Variants in SNX14 observed in about 807,000 individuals in gnomAD.
The protein encoded by SNX14 is sorting nexin-14.
Under a neutral mutation model 133.8 loss-of-function variants are expected in SNX14, and 93 were observed. The observed-to-expected ratio is 0.70, with a 90% CI of 0.59 to 0.83. The LOEUF is 0.83. SNX14 is among the 40% of genes least tolerant of loss of function. SNX14 has a pLI of 0.00. For missense variants in SNX14, 945 were observed against 1,094.9 expected, an observed-to-expected ratio of 0.86 and a Z score of 1.93; for synonymous variants, 368 against 365.6, an observed-to-expected ratio of 1.01 and a Z score of -0.07.
At chr6:85,534,979 A>C (rs1415169557) in intron 17 of SNX14, among the ~76,000 whole-genome samples, 1 of 151,664 alleles carries the variant, frequency 6.6e-6, no homozygotes, top group East Asian at 1.9e-4. Flanking sequence ...AGAAAACATA[A>C]ACATTATTTT....
intron 27 of SNX14, among the ~76,000 whole-genome samples, chr6:85,507,563 A>G (rs1212777402): frequency 6.6e-6 from 1 of 152,182 alleles, no homozygotes; most frequent in Non-Finnish European, 1.5e-5. Flanking sequence ...TTTTAGAAAA[A>G]CAAGAACACA....
At chr6:85,522,553 T>A (rs1438579774) in intron 21 of SNX14, among the ~76,000 whole-genome samples, 1 of 152,214 alleles carries the variant, frequency 6.6e-6, no homozygotes, top group Non-Finnish European at 1.5e-5. Flanking sequence ...TATCTCTCAA[T>A]AAAAGTTTAC....
chr6:85,528,364 T>C lies in SNX14; in HGVS notation c.1895-2A>G, dbSNP rs1400548976. Reference sequence around the variant, plus strand: ...GAAGCTGGGCATCAGGAAATGCACCTGAAATTAGTATATATTATAGTTATT... The same window carrying C: ...GAAGCTGGGCATCAGGAAATGCACCCGAAATTAGTATATATTATAGTTATT... On this transcript the variant is annotated splice_acceptor_variant, in intron 19 of 28. Transcript: ENST00000314673. LOFTEE classifies it high-confidence loss of function. 1.2e-6 allele frequency: 2 copies of C among 1,604,812 alleles called. No individual in the cohort carries two copies. Among genetic ancestry groups the C allele is most frequent in the African/African-American group, 1.3e-5 (1 of 74,590 alleles).
In SNX14 at chr6:85,542,055, CAAATAAT is replaced by C. The variant is rs1554232748; in HGVS notation, c.1390-19_1390-13del. The C allele has an allele frequency of 2.6e-6, 4 of 1,510,866 alleles. No homozygotes were observed. Among genetic ancestry groups the C allele is most frequent in the Non-Finnish European group, 3.6e-6 (4 of 1,113,164 alleles). 93.6% of individuals were successfully genotyped at this position (1,510,866 alleles called of 1,614,324 possible). A position where few individuals can be genotyped will look rare whatever the true frequency, so the allele number is the denominator to read the frequency against. ...AGTTGTCTGAAATACTTTAAAATAA[CAAATAAT>C]AATTATCATTTATTACACTTACAAT... On this transcript the variant is annotated splice_polypyrimidine_tract_variant and intron_variant, in intron 14 of 28. Coordinates refer to ENST00000314673, the MANE Select transcript of SNX14 (RefSeq NM_153816.6).
At chr6:85,547,462 A>G in intron 10 of SNX14, 44 bp downstream of exon 10, 1 of 1,604,238 alleles carries the variant, frequency 6.2e-7, no homozygotes, top group Middle Eastern at 1.7e-4. Context: ...CAAAATCAAA[A>G]TTCAATGCAA....
chr6:85,588,966 G>T (rs1471396614), intron 1 of SNX14: 1 of 452,284 alleles, frequency 2.2e-6, no homozygotes, highest in Non-Finnish European at 4.4e-6. Flanking sequence ...GAATTGCAGG[G>T]GTGAAAGAGG....
chr6:85,544,091 CT>C (rs1784738574), intron 12 of SNX14, among the ~76,000 whole-genome samples: 2 of 151,978 alleles, frequency 1.3e-5, no homozygotes, highest in South Asian at 4.1e-4. Context: ...ATTTTGAGAT[CT>C]GATTTACTAA....
intron 17 of SNX14, 47 bp downstream of exon 17, chr6:85,536,745 A>T: frequency 6.4e-7 from 1 of 1,565,776 alleles, no homozygotes; most frequent in African/African-American, 1.4e-5. Context: ...TTTATGTCAT[A>T]GTAAGTCTGA....
At chr6:85,508,957 T>C (rs1771777832) in intron 26 of SNX14, among the ~76,000 whole-genome samples, 1 of 152,234 alleles carries the variant, frequency 6.6e-6, no homozygotes, top group Non-Finnish European at 1.5e-5. Context: ...TAATTTACAA[T>C]AGGCATAGTA....
At chr6:85,557,952 A>C in intron 7 of SNX14, 24 bp downstream of exon 7, 1 of 1,406,822 alleles carries the variant, frequency 7.1e-7, no homozygotes, top group Non-Finnish European at 1.0e-6. Context: ...AAATTACTCA[A>C]ACTGTAGTAG....
chr6:85,590,409 T>A (rs577948177), intron 1 of SNX14, among the ~76,000 whole-genome samples: 2 of 152,364 alleles, frequency 1.3e-5, no homozygotes, highest in Middle Eastern at 3.4e-3. Context: ...GCTCTGCCTA[T>A]GGTGTAGCCA....
chr6:85,532,597 C>T (rs1410954146), intron 18 of SNX14, among the ~76,000 whole-genome samples: 1 of 152,134 alleles, frequency 6.6e-6, no homozygotes, highest in African/African-American at 2.4e-5. Flanking sequence ...CTCATAACTC[C>T]CTCTTCCTGA....
intron 19 of SNX14, among the ~76,000 whole-genome samples, chr6:85,529,965 GATTTT>G (rs1234062443): frequency 6.6e-6 from 1 of 151,860 alleles, no homozygotes; most frequent in African/African-American, 2.4e-5. Flanking sequence ...TTTAAATTTT[GATTTT>G]ATTTAAAAAA....
chr6:85,531,805 C>A (rs554610533), intron 18 of SNX14, among the ~76,000 whole-genome samples: 4 of 152,052 alleles, frequency 2.6e-5, no homozygotes, highest in African/African-American at 9.7e-5. Context: ...GCAGGAAGAC[C>A]GCTTTGAGCC....
At chr6:85,514,909 C>A (rs1774261697) in intron 23 of SNX14, among the ~76,000 whole-genome samples, 1 of 151,960 alleles carries the variant, frequency 6.6e-6, no homozygotes, top group Non-Finnish European at 1.5e-5. Context: ...TTTTTACATA[C>A]CACAAAAGCA....
intron 4 of SNX14, among the ~76,000 whole-genome samples, chr6:85,569,108 A>T (rs1204916712): frequency 2.0e-5 from 3 of 152,102 alleles, no homozygotes; most frequent in African/African-American, 7.2e-5. Context: ...GATTATAGGC[A>T]TGTGCCACCA....
chr6:85,526,248 C>A lies in SNX14; in HGVS notation c.1996-11G>T, dbSNP rs752097579. The A allele has an allele frequency of 1.4e-5, 22 of 1,529,972 alleles. No individual in the cohort carries two copies. The highest frequency in any genetic ancestry group is 4.2e-5 in the African/African-American group (3 of 71,278). 94.8% of individuals were successfully genotyped at this position (1,529,972 alleles called of 1,614,324 possible). On this transcript the variant is annotated splice_polypyrimidine_tract_variant and intron_variant, in intron 20 of 28. Transcript: ENST00000314673. ...ATGCTGCAGAAGTTTCTTGAATGAA[C>A]AAAAAAAACGGAAAACACAGTTTAG...
At chr6:85,588,796 C>T in intron 1 of SNX14, 1 of 446,922 alleles carries the variant, frequency 2.2e-6, no homozygotes, top group Admixed American at 2.4e-5. Flanking sequence ...TGTATTCTTA[C>T]AATGATGTAA....
chr6:85,583,553 G>C (rs935258276), intron 1 of SNX14, among the ~76,000 whole-genome samples: 1 of 152,196 alleles, frequency 6.6e-6, no homozygotes, highest in African/African-American at 2.4e-5. Context: ...CTTCAGCAAA[G>C]TCTCAGGATA....
Sources: allele counts gnomAD v4.1 joint callset (sites outside exome capture counted in the v4.1 genomes callset), GRCh38; gene constraint gnomAD v4.1.1; transcripts MANE v1.5; gene names NCBI Gene and HGNC (gene_info 2026-07-23, HGNC 2026-07-21).